DMBT1: variants seen among roughly 807,000 people sequenced by gnomAD.
DMBT1 encodes scavenger receptor cysteine-rich domain-containing protein DMBT1.
Under a neutral mutation model 252.9 loss-of-function variants are expected in DMBT1, and 198 were observed. The observed-to-expected ratio is 0.78, with a 90% CI of 0.70 to 0.88. The LOEUF (loss-of-function observed/expected upper bound fraction) is 0.88. Ranked by LOEUF, DMBT1 falls within the 40% of genes least tolerant of loss-of-function variation. The probability of loss-of-function intolerance (pLI) is 0.00; values close to 1 mark genes in which losing one functional copy is unlikely to be tolerated. For missense variants in DMBT1, 2,432 were observed against 2,404.7 expected, an observed-to-expected ratio of 1.01 and a Z score of -0.24; for synonymous variants, 990 against 942.7, an observed-to-expected ratio of 1.05 and a Z score of -0.92.
At chr10:122,578,106 C>T (rs1376376302) in intron 8 of DMBT1, among the ~76,000 whole-genome samples, 1 of 152,214 alleles carries the variant, frequency 6.6e-6, no homozygotes, top group Non-Finnish European at 1.5e-5. Flanking sequence ...AAGAAGCCTG[C>T]TGTTTAATGA....
At chr10:122,629,478 A>C (rs2133665759) in intron 46 of DMBT1, among the ~76,000 whole-genome samples, 1 of 152,316 alleles carries the variant, frequency 6.6e-6, no homozygotes, top group African/African-American at 2.4e-5. Context: ...ACGGGTCAGC[A>C]CTGTGTTCAG....
chr10:122,571,104 A>G (rs188323483), intron 4 of DMBT1, among the ~76,000 whole-genome samples, 167 bp downstream of exon 4: 72 of 152,356 alleles, frequency 4.7e-4, no homozygotes, highest in African/African-American at 1.6e-3. Flanking sequence ...CTCAGAGTCA[A>G]TATCACCACA....
intron 44 of DMBT1, among the ~76,000 whole-genome samples, chr10:122,622,707 T>C (rs759283087): frequency 1.3e-5 from 2 of 152,202 alleles, no homozygotes; most frequent in African/African-American, 2.4e-5. Context: ...CTCTGACGGC[T>C]CAGCCAGAGT....
intron 16 of DMBT1, 28 bp downstream of exon 16, chr10:122,586,411 C>G (rs1311597099): frequency 1.3e-6 from 2 of 1,586,086 alleles, no homozygotes; most frequent in Non-Finnish European, 1.7e-6. Context: ...TTGGTTTCCT[C>G]TCTTGGGGTA....
At chr10:122,597,495 C>T (rs1479515991) in intron 24 of DMBT1, among the ~76,000 whole-genome samples, 3 of 152,204 alleles carry the variant, frequency 2.0e-5, no homozygotes, top group East Asian at 3.8e-4. Context: ...TTCCTCACTC[C>T]TTCCAACACC....
At chr10:122,592,981 C>G (rs936358671) in intron 20 of DMBT1, among the ~76,000 whole-genome samples, 9 of 148,678 alleles carry the variant, frequency 6.1e-5, no homozygotes, top group Non-Finnish European at 1.3e-4. Flanking sequence ...GAACTCTGAG[C>G]TAAAGATGCT....
rs901777998 is a variant in DMBT1 at position 122,585,799 on chromosome 10, G to A, written c.1460-261G>A. Among the ~76,000 whole-genome samples, 59 of 148,638 alleles carry A rather than the reference G, an allele frequency of 4.0e-4. 4 individuals carry two copies. Among genetic ancestry groups the A allele is most frequent in the Admixed American group, 3.5e-3 (52 of 14,958 alleles). On this transcript the variant is annotated intron_variant, in intron 15 of 55. Coordinates refer to ENST00000338354, the MANE Select transcript of DMBT1 (RefSeq NM_001377530.1). ...AGCTGTGTAGCTCCATCCTGTGTGT[G>A]CCCAGGTTAGGGAATGGGGTTTCCG...
rs138842806 is a variant in DMBT1, at chr10:122,589,162, G to A, written c.2002G>A (p.Asp668Asn). ...GGGCTCAGGACCCATTGTCCTGGATGATGTGCGCTGCTCAGGACATGAGTC... is the reference window on the plus strand; with the variant it reads ...GGGCTCAGGACCCATTGTCCTGGATAATGTGCGCTGCTCAGGACATGAGTC... ...GQGSGPIVLD[D>N]VRCSGHESYL... Residue 668 changes from aspartate (D) to asparagine (N), a missense_variant, in exon 17 of 56, where the codon GAT becomes AAT. Physicochemically the swap from Asp to Asn is conservative, Grantham distance 23 (BLOSUM62 1). Coordinates refer to ENST00000338354, the MANE Select transcript of DMBT1 (RefSeq NM_001377530.1). The A allele has an allele frequency of 2.5e-3, 4,033 of 1,588,398 alleles. 250 individuals are homozygous for A. In the African/African-American group the frequency reaches 0.046, roughly 18 times the overall value.
intron 54 of DMBT1, among the ~76,000 whole-genome samples, chr10:122,639,359 G>C (rs1026619138): frequency 7.9e-5 from 12 of 152,188 alleles, no homozygotes; most frequent in African/African-American, 2.9e-4. Context: ...GAGCAATAAA[G>C]CTTTTTAATT....
intron 1 of DMBT1, among the ~76,000 whole-genome samples, chr10:122,563,411 C>T (rs1039030580): frequency 3.3e-5 from 5 of 152,128 alleles, no homozygotes; most frequent in African/African-American, 1.2e-4. Context: ...TGGATTGGAT[C>T]CTGCAACAGA....
chr10:122,586,249 G>T lies in DMBT1; in HGVS notation c.1649G>T (p.Gly550Val), dbSNP rs776752840. 3 of 1,588,892 alleles carry T rather than the reference G, an allele frequency of 1.9e-6. No individual in the cohort carries two copies. Among genetic ancestry groups the T allele is most frequent in the South Asian group, 1.1e-5 (1 of 87,008 alleles). ...TTGGCCCCAGGAAATGCCCGGTTTG[G>T]TCAGGGCTCAGGACCCATTGTCCTG... Reference protein sequence around the residue: ...AMLAPGNARFGQGSGPIVLDD... With the variant: ...AMLAPGNARFVQGSGPIVLDD... Residue 550 changes from glycine (G) to valine (V), a missense_variant, in exon 16 of 56, where the codon GGT (glycine) becomes GTT (valine). Around this residue, in one of 3 missense-constraint regions of DMBT1, gnomAD observed 1,264 missense variants for 1,082.2 expected, o/e 1.17. Coordinates refer to ENST00000338354, the MANE Select transcript of DMBT1 (RefSeq NM_001377530.1).
At chr10:122,599,551 G>A (rs185507935) in intron 26 of DMBT1, among the ~76,000 whole-genome samples, 1 of 152,314 alleles carries the variant, frequency 6.6e-6, no homozygotes, top group Admixed American at 6.5e-5. Context: ...TCAAGGGTTA[G>A]GAGTGCAAAT....
At chr10:122,623,088 C>A (rs989491946) in intron 44 of DMBT1, among the ~76,000 whole-genome samples, 1 of 152,208 alleles carries the variant, frequency 6.6e-6, no homozygotes, top group Non-Finnish European at 1.5e-5. Flanking sequence ...CCCCTGGCAA[C>A]CACTAATCTG....
chr10:122,627,501 G>C (rs1252190326), intron 46 of DMBT1, among the ~76,000 whole-genome samples: 1 of 152,208 alleles, frequency 6.6e-6, no homozygotes, highest in East Asian at 1.9e-4. Context: ...AAGGTTTAAT[G>C]ACTATATGAT....
intron 44 of DMBT1, 38 bp downstream of exon 44, chr10:122,621,418 G>A: frequency 6.2e-7 from 1 of 1,613,228 alleles, no homozygotes; most frequent in Non-Finnish European, 8.5e-7. Context: ...CTCTTGGGGT[G>A]GAGTTTGCTC....
chr10:122,599,582 C>G (rs1470281222), intron 26 of DMBT1, among the ~76,000 whole-genome samples: 2 of 152,162 alleles, frequency 1.3e-5, no homozygotes, highest in African/African-American at 4.8e-5. Flanking sequence ...TTCTATCACG[C>G]CTGGGTTGTG....
chr10:122,578,379 C>A (rs1006831763), intron 8 of DMBT1, among the ~76,000 whole-genome samples: 10 of 152,190 alleles, frequency 6.6e-5, no homozygotes, highest in African/African-American at 2.4e-4. Flanking sequence ...CCCCTAGTAT[C>A]CCGAACATTT....
rs979501769 is a variant in DMBT1 at position 122,592,215 on chromosome 10, C to A, written c.2177-57C>A. On this transcript the variant is annotated intron_variant, in intron 19 of 55. Transcript: ENST00000338354. ...GGAAGTACCCTGAGTGTGGAACGTG[C>A]CTTAGATCCTTACCTCATGGTAGGG... 3.8e-6 allele frequency: 6 copies of A among 1,572,878 alleles called. 1 individual carries two copies. The East Asian group carries it at 1.4e-4, about 37-fold the overall frequency.
At position 122,580,303 on chromosome 10, in the gene DMBT1, C is replaced by CAG. The variant is rs1274258101; in HGVS notation, c.1003+402_1003+403insAG. 3.3e-5 allele frequency among the ~76,000 whole-genome samples: 5 copies of CAG among 152,210 alleles called. No homozygotes were observed. The East Asian group carries it at 5.8e-4, about 18-fold the overall frequency. ...AAAGATGCTTGGCTAAAAGTGGGTTCTCAGCTGAGACCCAGTGAGGAGGTC... is the reference window on the plus strand; with the variant it reads ...AAAGATGCTTGGCTAAAAGTGGGTTCAGTCAGCTGAGACCCAGTGAGGAGGTC... On this transcript the variant is annotated intron_variant, in intron 10 of 55. Coordinates refer to ENST00000338354, the MANE Select transcript of DMBT1 (RefSeq NM_001377530.1).
Sources: allele counts gnomAD v4.1 joint callset (sites outside exome capture counted in the v4.1 genomes callset), GRCh38; gene constraint gnomAD v4.1.1; regional missense constraint gnomAD v4.1.1; transcripts MANE v1.5; gene names NCBI Gene and HGNC (gene_info 2026-07-23, HGNC 2026-07-21).